JADE3: variants seen among roughly 807,000 people sequenced by gnomAD.
The protein encoded by JADE3 is protein Jade-3.
Under a neutral mutation model 50.1 loss-of-function variants are expected in JADE3, and 2 were observed. The observed-to-expected ratio is 0.04, with a 90% CI of 0.02 to 0.13. The LOEUF is 0.13. Ranked by LOEUF, JADE3 falls within the 10% of genes least tolerant of loss-of-function variation. The pLI, the probability that JADE3 is intolerant of heterozygous loss-of-function variation, is 1.00. For synonymous variants in JADE3, 218 were observed against 232.9 expected, an observed-to-expected ratio of 0.94 and a Z score of 0.58; for missense variants, 475 against 634.4, an observed-to-expected ratio of 0.75 and a Z score of 2.70.
rs781922011 is a variant in JADE3, at chrX:47,003,737, T to C, written c.284+5460T>C. On this transcript the variant is annotated intron_variant, in intron 4 of 10. Coordinates refer to ENST00000614628, the MANE Select transcript of JADE3 (RefSeq NM_014735.5). Reference sequence around the variant, plus strand: ...AAATTACAAATTATAATTAAATTTGTAATTTATATATAATTTATATATAAA... The same window carrying C: ...AAATTACAAATTATAATTAAATTTGCAATTTATATATAATTTATATATAAA... 3.6e-4 allele frequency among the ~76,000 whole-genome samples: 36 copies of C among 100,646 alleles called. No homozygotes were observed. The South Asian group carries it at 0.015, about 41-fold the overall frequency. The allele number at this position is 100,646 out of a possible 115,157, so 87.4% of individuals were successfully genotyped here. A position where few individuals can be genotyped will look rare whatever the true frequency, so the allele number is the denominator to read the frequency against.
rs145510180 is a variant in JADE3 at position 47,006,554 on chromosome X, C to A, written c.284+8277C>A. On this transcript the variant is annotated intron_variant, in intron 4 of 10. Coordinates refer to ENST00000614628, the MANE Select transcript of JADE3 (RefSeq NM_014735.5). ...GGCTCAAGCAATCCGACCACCTCGG[C>A]CTCCCAAAGTGCTGGGATTACAAGT... 4.8e-3 allele frequency among the ~76,000 whole-genome samples: 520 copies of A among 108,042 alleles called. 17 individuals are homozygous for A. In the East Asian group the frequency reaches 0.081, roughly 17 times the overall value. 93.8% of individuals were successfully genotyped at this position (108,042 alleles called of 115,157 possible). A position where few individuals can be genotyped will look rare whatever the true frequency, so the allele number is the denominator to read the frequency against.
intron 7 of JADE3, among the ~76,000 whole-genome samples, chrX:47,034,569 G>C (rs1556367441): frequency 9.0e-6 from 1 of 110,681 alleles, no homozygotes; most frequent in Non-Finnish European, 1.9e-5. Context: ...TTTGTCTACT[G>C]TGATGATGCC....
intron 1 of JADE3, among the ~76,000 whole-genome samples, chrX:46,957,349 A>G (rs940462154): frequency 8.9e-6 from 1 of 112,289 alleles, no homozygotes; most frequent in Non-Finnish European, 1.9e-5. Context: ...ACACAGCAAA[A>G]TATCTTAGAT....
At chrX:47,055,929 C>G (rs1602426375) in intron 9 of JADE3, among the ~76,000 whole-genome samples, 153 bp from the exon 10 acceptor site, 1 of 111,851 alleles carries the variant, frequency 8.9e-6, no homozygotes, top group Non-Finnish European at 1.9e-5. Flanking sequence ...TGTGTGAATT[C>G]CTGTGGAGTG....
intron 8 of JADE3, among the ~76,000 whole-genome samples, chrX:47,042,271 C>G (rs782583414): frequency 1.7e-4 from 19 of 111,721 alleles, no homozygotes; most frequent in African/African-American, 6.2e-4. Context: ...TTGGCCTTGA[C>G]CTTAACAGAC....
At chrX:47,003,552 C>G (rs1335617866) in intron 4 of JADE3, among the ~76,000 whole-genome samples, 1 of 101,301 alleles carries the variant, frequency 9.9e-6, no homozygotes, top group Non-Finnish European at 2.0e-5. Context: ...TTTTTATGTT[C>G]CCGAGGAATA....
At chrX:46,935,826 CTTTTTT>C (rs142025908) in intron 1 of JADE3, among the ~76,000 whole-genome samples, 33 of 62,748 alleles carry the variant, frequency 5.3e-4, no homozygotes, top group Non-Finnish European at 7.8e-4. Context: ...AAGTCTTTCA[CTTTTTT>C]TTTTTTTTTT....
At chrX:47,039,175 C>T (rs782140167) in intron 8 of JADE3, 110 bp downstream of exon 8, 472 of 450,691 alleles carry the variant, frequency 1.0e-3, no homozygotes, top group Non-Finnish European at 1.4e-3. Context: ...ATCGCCCACC[C>T]ACTCTTAGGG....
chrX:47,000,376 G>A (rs1556358727), intron 4 of JADE3, among the ~76,000 whole-genome samples: 1 of 110,630 alleles, frequency 9.0e-6, no homozygotes, highest in Non-Finnish European at 1.9e-5. Flanking sequence ...CTAGCATCTT[G>A]ACTTTAGTCT....
At chrX:47,037,228 G>A (rs1433765108) in intron 7 of JADE3, among the ~76,000 whole-genome samples, 2 of 111,226 alleles carry the variant, frequency 1.8e-5, no homozygotes, top group Non-Finnish European at 3.8e-5. Context: ...TAGTTATGTG[G>A]TTTTAAAGAC....
At chrX:47,037,409 G>A (rs1248672808) in intron 7 of JADE3, among the ~76,000 whole-genome samples, 4 of 112,045 alleles carry the variant, frequency 3.6e-5, no homozygotes, top group Non-Finnish European at 7.5e-5. Context: ...AACAAGGCAT[G>A]TAGCACCATC....
In JADE3 at chrX:46,963,962, C is replaced by CT. The variant is rs200464677; in HGVS notation, c.-11-20916dup. On this transcript the variant is annotated intron_variant, in intron 1 of 10. Transcript: ENST00000614628. ...ATCTATCACACAGATACAAATTACT[C>CT]TTTTTTAAGGCACCAGTCTACTCCT... is the stretch of plus-strand genomic sequence containing the variant. 5.0e-3 allele frequency among the ~76,000 whole-genome samples: 560 copies of CT among 111,940 alleles called. 2 individuals are homozygous for CT. The highest frequency in any genetic ancestry group is 0.017 in the African/African-American group (524 of 30,769).
chrX:47,014,003 G>C (rs1928620147), intron 4 of JADE3, among the ~76,000 whole-genome samples: 1 of 111,837 alleles, frequency 8.9e-6, no homozygotes, highest in Admixed American at 9.5e-5. Flanking sequence ...GCCGCCTCTT[G>C]GTAGCCATTG....
In JADE3 at chrX:47,054,638, C is replaced by T. The variant is rs781925077; in HGVS notation, c.1443+10C>T. On this transcript the variant is annotated intron_variant, in intron 9 of 10. Transcript: ENST00000614628. Reference sequence around the variant, plus strand: ...CCAGGACCTGGAGAGGGTAAGGTGACCAGCTGTGACTAGTATATAGGCCTC... The same window carrying T: ...CCAGGACCTGGAGAGGGTAAGGTGATCAGCTGTGACTAGTATATAGGCCTC... The T allele has an allele frequency of 4.2e-5, 45 of 1,075,930 alleles. No homozygotes were observed. The highest frequency in any genetic ancestry group is 5.7e-5 in the Non-Finnish European group (45 of 791,085). 88.7% of individuals were successfully genotyped at this position (1,075,930 alleles called of 1,213,427 possible). A position where few individuals can be genotyped will look rare whatever the true frequency, so the allele number is the denominator to read the frequency against.
intron 8 of JADE3, among the ~76,000 whole-genome samples, chrX:47,041,254 G>A (rs782102847): frequency 1.8e-5 from 2 of 111,482 alleles, no homozygotes; most frequent in Non-Finnish European, 3.8e-5. Context: ...ATTGTACCAT[G>A]GATTCATTTG....
chrX:46,913,355 C>T (rs973937096), intron 1 of JADE3, among the ~76,000 whole-genome samples: 2 of 110,984 alleles, frequency 1.8e-5, no homozygotes, highest in Admixed American at 1.9e-4. Flanking sequence ...GGCGGGCTGG[C>T]GAACTTTCCC....
intron 8 of JADE3, among the ~76,000 whole-genome samples, chrX:47,039,588 CTA>C (rs1216226303): frequency 9.0e-5 from 10 of 110,761 alleles, no homozygotes; most frequent in African/African-American, 3.3e-4. Context: ...TCCCCACTGT[CTA>C]TTTTTCCTGT....
intron 3 of JADE3, among the ~76,000 whole-genome samples, chrX:46,987,814 T>C (rs1223969592): frequency 1.8e-5 from 2 of 111,974 alleles, no homozygotes; most frequent in Non-Finnish European, 3.8e-5. Flanking sequence ...CAGGCAGTGG[T>C]AATAGTAGTC....
chrX:46,953,182 A>AG (rs1338820096), intron 1 of JADE3, among the ~76,000 whole-genome samples: 2 of 110,018 alleles, frequency 1.8e-5, no homozygotes, highest in African/African-American at 6.6e-5. Flanking sequence ...GAAAAAGGAG[A>AG]GAAAAACCCA....
Sources: gnomAD v4.1 joint callset for allele counts (sites outside exome capture counted in the v4.1 genomes callset) on GRCh38, gnomAD v4.1.1 for gene constraint, MANE v1.5 for transcripts, NCBI Gene and HGNC (gene_info 2026-07-23, HGNC 2026-07-21) for gene names.